The following TRAPPC9 variants were observed in gnomAD, a reference collection of about 807,000 sequenced individuals.
TRAPPC9 encodes trafficking protein particle complex subunit 9.
Under a neutral mutation model 124.0 loss-of-function variants are expected in TRAPPC9, and 83 were observed. The observed-to-expected ratio is 0.67, with a 90% CI of 0.56 to 0.80. TRAPPC9 has a LOEUF of 0.80. TRAPPC9 is among the 30% of genes least tolerant of loss of function. TRAPPC9 has a pLI of 0.00. For missense variants in TRAPPC9, 1,302 were observed against 1,508.3 expected (o/e 0.86, Z 2.27); for synonymous variants, 638 against 617.5 (o/e 1.03, Z -0.49).
intron 10 of TRAPPC9, among the ~76,000 whole-genome samples, chr8:140,307,248 C>T (rs1472362141): frequency 6.6e-6 from 1 of 152,162 alleles, no homozygotes; most frequent in Non-Finnish European, 1.5e-5. Flanking sequence ...CTGGGGCCTG[C>T]AACTAAAGCC....
chr8:140,129,933 T>C (rs2061173678), intron 17 of TRAPPC9, among the ~76,000 whole-genome samples: 1 of 152,234 alleles, frequency 6.6e-6, no homozygotes, highest in African/African-American at 2.4e-5. Flanking sequence ...ATCAGCTACA[T>C]GCACACTTCA....
chr8:140,280,188 A>T (rs1298155862), intron 14 of TRAPPC9, among the ~76,000 whole-genome samples: 1 of 152,244 alleles, frequency 6.6e-6, no homozygotes, highest in Non-Finnish European at 1.5e-5. Context: ...AGCCAAAGCC[A>T]GAGCTGGGAG....
intron 18 of TRAPPC9, among the ~76,000 whole-genome samples, chr8:140,015,763 G>A (rs1236699279): frequency 1.3e-5 from 2 of 152,182 alleles, no homozygotes; most frequent in African/African-American, 2.4e-5. Flanking sequence ...AGCTGAGGTT[G>A]TGCCACTGCA....
chr8:139,832,382 G>A (rs938144729), intron 21 of TRAPPC9, among the ~76,000 whole-genome samples: 3 of 152,208 alleles, frequency 2.0e-5, no homozygotes, highest in African/African-American at 7.2e-5. Flanking sequence ...GGGTGTTCGC[G>A]TGGAGCAGCT....
At chr8:140,168,618 G>A (rs2061896785) in intron 17 of TRAPPC9, among the ~76,000 whole-genome samples, 1 of 152,186 alleles carries the variant, frequency 6.6e-6, no homozygotes, top group Non-Finnish European at 1.5e-5. Context: ...TGTCCTCAGA[G>A]TGAAGTCTGT....
rs542758566 is a variant in TRAPPC9 at position 140,059,344 on chromosome 8, T to C, written c.2557-35265A>G. On this transcript the variant is annotated intron_variant, in intron 17 of 22. Transcript: ENST00000438773. The stretch of plus-strand genomic sequence containing the variant: ...CATTCCACAATACTACAACTATTGA[T>C]TTATATATAGTTGGCTGCAGGGGTT... Among the ~76,000 whole-genome samples the C allele has an allele frequency of 4.6e-5, 7 of 152,348 alleles. No homozygotes were observed. In the East Asian group the frequency reaches 9.6e-4, roughly 21 times the overall value.
At chr8:140,168,898 T>A (rs1371850165) in intron 17 of TRAPPC9, among the ~76,000 whole-genome samples, 1 of 152,234 alleles carries the variant, frequency 6.6e-6, no homozygotes, top group Non-Finnish European at 1.5e-5. Context: ...TATGGGGAGA[T>A]GCACCAGAAT....
chr8:139,801,540 T>C (rs866985520), intron 21 of TRAPPC9, among the ~76,000 whole-genome samples: 7 of 152,112 alleles, frequency 4.6e-5, no homozygotes, highest in Non-Finnish European at 8.8e-5. Flanking sequence ...TCCACTGTTA[T>C]GTGAGTGAAG....
intron 19 of TRAPPC9, among the ~76,000 whole-genome samples, chr8:139,980,166 C>T (rs191474642): frequency 1.3e-4 from 20 of 152,308 alleles, no homozygotes; most frequent in African/African-American, 4.3e-4. Flanking sequence ...CGAGGGACCA[C>T]ACCCCTCCCT....
In TRAPPC9 at chr8:140,107,793, G is replaced by C. The variant is rs557013315; in HGVS notation, c.2557-83714C>G. Among the ~76,000 whole-genome samples the C allele has an allele frequency of 2.3e-4, 35 of 152,308 alleles. No homozygotes were observed. The South Asian group carries it at 6.8e-3, about 30-fold the overall frequency. On this transcript the variant is annotated intron_variant, in intron 17 of 22. Coordinates refer to ENST00000438773, the MANE Select transcript of TRAPPC9 (RefSeq NM_001160372.4). Reference sequence around the variant, plus strand: ...GGCTTTATTGTAAGGGAGATGGGAAGGCATGCATGGCGCACTCTGACTGGG... The same window carrying C: ...GGCTTTATTGTAAGGGAGATGGGAACGCATGCATGGCGCACTCTGACTGGG...
At chr8:140,117,855 T>TA (rs1297137448) in intron 17 of TRAPPC9, among the ~76,000 whole-genome samples, 1 of 152,180 alleles carries the variant, frequency 6.6e-6, no homozygotes, top group African/African-American at 2.4e-5. Context: ...GATTCATCAC[T>TA]ACAGTTACAA....
At chr8:139,810,336 G>A (rs1824352647) in intron 21 of TRAPPC9, among the ~76,000 whole-genome samples, 1 of 152,196 alleles carries the variant, frequency 6.6e-6, no homozygotes. Flanking sequence ...CATGGGCAGG[G>A]ATGAGCAATG....
chr8:140,294,536 C>T (rs552120988), intron 11 of TRAPPC9, among the ~76,000 whole-genome samples: 1 of 152,196 alleles, frequency 6.6e-6, no homozygotes, highest in African/African-American at 2.4e-5. Context: ...AAATAATGTA[C>T]ACTTAGATGG....
chr8:140,190,033 G>A (rs1015006096), intron 17 of TRAPPC9, among the ~76,000 whole-genome samples: 3 of 152,158 alleles, frequency 2.0e-5, no homozygotes, highest in African/African-American at 4.8e-5. Context: ...GTGATCAACC[G>A]AACTGAGAAA....
At chr8:140,255,823 T>C (rs2131525717) in intron 15 of TRAPPC9, among the ~76,000 whole-genome samples, 1 of 152,002 alleles carries the variant, frequency 6.6e-6, no homozygotes, top group South Asian at 2.1e-4. Context: ...GAGGTGGAGG[T>C]TGCAGTGAGT....
At chr8:140,020,118 T>C (rs772433697) in intron 18 of TRAPPC9, among the ~76,000 whole-genome samples, 1 of 152,218 alleles carries the variant, frequency 6.6e-6, no homozygotes, top group Non-Finnish European at 1.5e-5. Context: ...GTTATTTGTG[T>C]TTCCACATTT....
chr8:140,304,934 A>AGTGTGC (rs2131847775), intron 10 of TRAPPC9, among the ~76,000 whole-genome samples: 1 of 152,202 alleles, frequency 6.6e-6, no homozygotes, highest in East Asian at 1.9e-4. Context: ...CCATGCCCTC[A>AGTGTGC]GTGTGCGTTA....
At chr8:139,842,931 TC>T (rs1826837400) in intron 21 of TRAPPC9, among the ~76,000 whole-genome samples, 1 of 152,212 alleles carries the variant, frequency 6.6e-6, no homozygotes, top group Admixed American at 6.5e-5. Context: ...GAAGCTGAGG[TC>T]CGGGCAGGTG....
chr8:139,950,849 C>T (rs1391911337), intron 19 of TRAPPC9, among the ~76,000 whole-genome samples: 2 of 152,218 alleles, frequency 1.3e-5, no homozygotes, highest in Non-Finnish European at 2.9e-5. Context: ...AACACCAGCT[C>T]CGAAGGCCTC....
Sources: allele counts gnomAD v4.1 joint callset (sites outside exome capture counted in the v4.1 genomes callset), GRCh38; gene constraint gnomAD v4.1.1; transcripts MANE v1.5; gene names NCBI Gene and HGNC (gene_info 2026-07-23, HGNC 2026-07-21).